The following DYNC2LI1 variants were observed in gnomAD, a reference collection of about 807,000 sequenced individuals.
DYNC2LI1 encodes dynein cytoplasmic 2 light intermediate chain 1.
A neutral mutation model predicts 51.9 loss-of-function variants in DYNC2LI1; 45 were observed. That is an observed-to-expected ratio of 0.87 (90% CI 0.68 to 1.11). DYNC2LI1 has a LOEUF of 1.11. Among genes scored for constraint, DYNC2LI1 ranks in the 50% most tolerant of loss-of-function variants. The pLI is 0.00. For missense variants in DYNC2LI1, 490 were observed against 417.4 expected (o/e 1.17, Z -1.51); for synonymous variants, 130 against 137.8 (o/e 0.94, Z 0.40).
chr2:43,823,777 C>G, the DYNC2LI1 span: 1 of 1,009,872 alleles, frequency 9.9e-7, no homozygotes. Flanking sequence ...TTGCCTTTCC[C>G]CAGAGAGGGA....
At chr2:43,801,519 A>G (rs536546553) in intron 9 of DYNC2LI1, 120 bp from the exon 10 acceptor site, 9 of 618,322 alleles carry the variant, frequency 1.5e-5, no homozygotes, top group Admixed American at 9.0e-5. Context: ...ATTCGGGGCA[A>G]TGCTCTCATT....
At chr2:43,815,857 G>A in the DYNC2LI1 span, among the ~76,000 whole-genome samples, 1 of 149,828 alleles carries the variant, frequency 6.7e-6, no homozygotes, top group Non-Finnish European at 1.5e-5. Flanking sequence ...GAAAATTAAC[G>A]TGACTCCAGC....
At chr2:43,825,035 C>CGTA in the DYNC2LI1 span, 5 of 1,612,682 alleles carry the variant, frequency 3.1e-6, no homozygotes, top group African/African-American at 1.3e-5. Flanking sequence ...AGACAACAGA[C>CGTA]GTAGTTAGTG....
intron 10 of DYNC2LI1, 145 bp from the exon 11 acceptor site, chr2:43,804,497 G>T: frequency 1.8e-6 from 1 of 561,338 alleles, no homozygotes. Context: ...ATGCTGGGTA[G>T]GGTAAATTTT....
chr2:43,819,685 A>G, the DYNC2LI1 span, among the ~76,000 whole-genome samples: 1 of 152,188 alleles, frequency 6.6e-6, no homozygotes, highest in African/African-American at 2.4e-5. Flanking sequence ...GAATCATATC[A>G]TAACATAAAC....
chr2:43,827,051 G>A, the DYNC2LI1 span, among the ~76,000 whole-genome samples: 3 of 152,166 alleles, frequency 2.0e-5, no homozygotes, highest in Admixed American at 1.3e-4. Flanking sequence ...GGGGCCGGGC[G>A]CGGTGGCTCA....
chr2:43,784,752 A>G lies in DYNC2LI1; in HGVS notation c.161+1198A>G, dbSNP rs200170868. On this transcript the variant is annotated intron_variant, in intron 3 of 12. Transcript: ENST00000260605. ...CCTGGCCCTGAAAAGTATTAATTTC[A>G]ATTCCTCAATAGTCTACTTAGGAAA... is the stretch of plus-strand genomic sequence containing the variant. Among the ~76,000 whole-genome samples, 9 of 152,226 alleles carry G rather than the reference A, an allele frequency of 5.9e-5. No homozygotes were observed. The East Asian group carries it at 1.4e-3, about 23-fold the overall frequency.
intron 2 of DYNC2LI1, among the ~76,000 whole-genome samples, chr2:43,779,719 T>C (rs189305217): frequency 1.4e-4 from 22 of 152,300 alleles, no homozygotes; most frequent in African/African-American, 4.1e-4. Context: ...GTGTGGAGTA[T>C]TCTAAGATGA....
the DYNC2LI1 span, among the ~76,000 whole-genome samples, chr2:43,827,292 T>C: frequency 1.4e-5 from 2 of 144,748 alleles, no homozygotes; most frequent in African/African-American, 5.2e-5. Context: ...ACCACTGCAC[T>C]CCAGCCTGGG....
chr2:43,797,924 C>G (rs1053164802), intron 8 of DYNC2LI1, among the ~76,000 whole-genome samples: 1 of 152,020 alleles, frequency 6.6e-6, no homozygotes, highest in Non-Finnish European at 1.5e-5. Flanking sequence ...TCAGGAGTTT[C>G]AGACCAGCCT....
chr2:43,791,170 A>G (rs746845508), intron 5 of DYNC2LI1, among the ~76,000 whole-genome samples: 18 of 152,194 alleles, frequency 1.2e-4, no homozygotes, highest in Non-Finnish European at 2.1e-4. Flanking sequence ...GCAGTAAGCT[A>G]TGATCATACC....
intron 2 of DYNC2LI1, among the ~76,000 whole-genome samples, chr2:43,780,429 C>G (rs562628417): frequency 2.0e-5 from 3 of 151,934 alleles, no homozygotes; most frequent in Non-Finnish European, 4.4e-5. Flanking sequence ...TGACAACAAC[C>G]CTGGTGGTAA....
Position 43,794,440 on chromosome 2 carries a change from T to TG in DYNC2LI1, c.321-16dup. On this transcript the variant is annotated splice_polypyrimidine_tract_variant and intron_variant, in intron 5 of 12. Coordinates refer to ENST00000260605, the MANE Select transcript of DYNC2LI1 (RefSeq NM_016008.4). Reference sequence around the variant, plus strand: ...ATTATTTTGAGTCTTTTTTGAAAAGTGTTTTTATTTCTTTAGGACGTTTTC... The same window carrying TG: ...ATTATTTTGAGTCTTTTTTGAAAAGTGGTTTTTATTTCTTTAGGACGTTTTC... The TG allele has an allele frequency of 6.3e-7, 1 of 1,585,172 alleles. No individual in the cohort carries two copies. The highest frequency in any genetic ancestry group is 8.6e-7 in the Non-Finnish European group (1 of 1,167,380).
chr2:43,798,720 T>C (rs1665974447), intron 8 of DYNC2LI1, among the ~76,000 whole-genome samples: 1 of 152,138 alleles, frequency 6.6e-6, no homozygotes, highest in Non-Finnish European at 1.5e-5. Flanking sequence ...ATCTCAGCTT[T>C]TAATAAGCCT....
chr2:43,819,722 A>G, the DYNC2LI1 span, among the ~76,000 whole-genome samples: 1 of 152,206 alleles, frequency 6.6e-6, no homozygotes, highest in Non-Finnish European at 1.5e-5. Context: ...CCCGATAAAA[A>G]AGACATTTTA....
Position 43,787,266 on chromosome 2 carries a change from A to G in DYNC2LI1, c.231+16A>G. 1 of 1,595,330 alleles carries G rather than the reference A, an allele frequency of 6.3e-7. No homozygotes were observed. Among genetic ancestry groups the G allele is most frequent in the South Asian group, 1.1e-5 (1 of 90,160 alleles). On this transcript the variant is annotated intron_variant, in intron 4 of 12. Transcript: ENST00000260605. ...GCACAACACAGTAAGTGTCTTTTAA[A>G]GTGACATTGCTATGCCCATAGATGG...
the DYNC2LI1 span, chr2:43,822,956 T>G: frequency 6.2e-7 from 1 of 1,612,914 alleles, no homozygotes; most frequent in Admixed American, 1.7e-5. Context: ...AAGGCAGGTT[T>G]CAGAACAGTC....
chr2:43,774,556 C>A (rs936200295), intron 1 of DYNC2LI1, among the ~76,000 whole-genome samples: 1 of 152,138 alleles, frequency 6.6e-6, no homozygotes. Context: ...AGTATAACAT[C>A]ACTTTTAAGG....
chr2:43,788,887 G>T (rs1249225124), intron 4 of DYNC2LI1, among the ~76,000 whole-genome samples: 1 of 152,174 alleles, frequency 6.6e-6, no homozygotes, highest in East Asian at 1.9e-4. Context: ...TCCAGCCTTG[G>T]CCTCCCAAAG....
Sources: gnomAD v4.1 joint callset for allele counts (sites outside exome capture counted in the v4.1 genomes callset) on GRCh38, gnomAD v4.1.1 for gene constraint, MANE v1.5 for transcripts, NCBI Gene and HGNC (gene_info 2026-07-23, HGNC 2026-07-21) for gene names.